Variants in PHIP observed in about 807,000 individuals in gnomAD.
The protein encoded by PHIP is PH-interacting protein.
A neutral mutation model predicts 236.8 loss-of-function variants in PHIP; 54 were observed. The observed-to-expected ratio is 0.23, with a 90% confidence interval of 0.18 to 0.29. The LOEUF (loss-of-function observed/expected upper bound fraction) is 0.29. PHIP is among the 10% of genes least tolerant of loss of function. PHIP has a pLI of 1.00. For synonymous variants in PHIP, 756 were observed against 718.9 expected (o/e 1.05, Z -0.83); for missense variants, 1,370 against 2,190.8 (o/e 0.63, Z 7.48).
At chr6:79,005,521 A>C (rs1770240821) in intron 15 of PHIP, among the ~76,000 whole-genome samples, 1 of 152,040 alleles carries the variant, frequency 6.6e-6, no homozygotes, top group Admixed American at 6.6e-5. Context: ...TTATATCAAA[A>C]ACTAAAAATT....
chr6:78,958,728 A>G, intron 31 of PHIP, 128 bp from the exon 32 acceptor site: 2 of 655,776 alleles, frequency 3.0e-6, no homozygotes, highest in Non-Finnish European at 5.4e-6. Flanking sequence ...TTGGTCTTAT[A>G]AAGTCATTTT....
intron 4 of PHIP, among the ~76,000 whole-genome samples, 190 bp downstream of exon 4, chr6:79,077,258 G>A (rs1229605129): frequency 6.6e-6 from 1 of 151,958 alleles, no homozygotes; most frequent in Non-Finnish European, 1.5e-5. Flanking sequence ...CAGCCCCTGC[G>A]GCCCCGAAGT....
chr6:79,004,289 T>C (rs1193049161), intron 15 of PHIP: 3 of 460,000 alleles, frequency 6.5e-6, no homozygotes, highest in African/African-American at 4.2e-5. Context: ...CTAGATTTTA[T>C]TATTTTTGGT....
At chr6:78,955,479 TTG>T in intron 33 of PHIP, 132 bp downstream of exon 33, 2 of 552,994 alleles carry the variant, frequency 3.6e-6, no homozygotes, top group South Asian at 3.1e-5. Context: ...CTACTGCCAG[TTG>T]TTTTTTTTTT....
At chr6:78,994,551 T>C (rs1027950260) in intron 19 of PHIP, among the ~76,000 whole-genome samples, 1 of 151,520 alleles carries the variant, frequency 6.6e-6, no homozygotes, top group Non-Finnish European at 1.5e-5. Flanking sequence ...CACTCCAGCC[T>C]GGGCAACAAA....
intron 35 of PHIP, among the ~76,000 whole-genome samples, chr6:78,951,651 A>G (rs1435426363): frequency 6.6e-6 from 1 of 152,198 alleles, no homozygotes; most frequent in Non-Finnish European, 1.5e-5. Flanking sequence ...TTTGTTGCCT[A>G]ACACGTTTAG....
chr6:78,960,979 TTGTTG>T (rs1562127067), intron 31 of PHIP, among the ~76,000 whole-genome samples: 18 of 152,224 alleles, frequency 1.2e-4, no homozygotes, highest in Admixed American at 1.0e-3. Context: ...ACAAATTAAA[TTGTTG>T]GACTGCTAAG....
chr6:79,056,504 T>C (rs1289722558), intron 6 of PHIP, among the ~76,000 whole-genome samples: 1 of 152,174 alleles, frequency 6.6e-6, no homozygotes, highest in African/African-American at 2.4e-5. Context: ...TGGTAATATG[T>C]GCACTTCAAA....
At chr6:79,019,690 T>A (rs1771013377) in intron 9 of PHIP, among the ~76,000 whole-genome samples, 1 of 152,080 alleles carries the variant, frequency 6.6e-6, no homozygotes, top group Non-Finnish European at 1.5e-5. Context: ...TTTAACCTAG[T>A]GAAAATCTGA....
intron 21 of PHIP, among the ~76,000 whole-genome samples, chr6:78,987,222 A>G (rs2127721045): frequency 6.6e-6 from 1 of 152,214 alleles, no homozygotes; most frequent in South Asian, 2.1e-4. Flanking sequence ...ATTATATAGA[A>G]ACTTAATATT....
rs76267357 is a variant in PHIP, at chr6:78,997,946, T to A, written c.2017+308A>T. ...TGGTTCATAAATTTGTTTTGACTCT[T>A]AAAGTTTAATAATATACAACAATAA... On this transcript the variant is annotated intron_variant, in intron 18 of 39. Coordinates refer to ENST00000275034, the MANE Select transcript of PHIP (RefSeq NM_017934.7). Among the ~76,000 whole-genome samples the A allele has an allele frequency of 4.6e-5, 7 of 152,300 alleles. No individual in the cohort carries two copies. The East Asian group carries it at 1.4e-3, about 29-fold the overall frequency.
intron 15 of PHIP, among the ~76,000 whole-genome samples, chr6:79,005,096 G>C (rs1770214127): frequency 6.6e-6 from 1 of 151,830 alleles, no homozygotes; most frequent in Non-Finnish European, 1.5e-5. Flanking sequence ...TAATAGAAAA[G>C]AAAGAATAAC....
intron 22 of PHIP, among the ~76,000 whole-genome samples, chr6:78,984,307 A>G (rs1254353567): frequency 6.6e-6 from 1 of 152,234 alleles, no homozygotes; most frequent in Non-Finnish European, 1.5e-5. Context: ...ATTTTCAGCT[A>G]TGCTATTCTA....
chr6:78,967,196 A>T (rs999336140), intron 27 of PHIP, among the ~76,000 whole-genome samples: 5 of 152,228 alleles, frequency 3.3e-5, no homozygotes, highest in African/African-American at 1.2e-4. Context: ...AGAATATGAT[A>T]AAAAAGAAAA....
At chr6:79,011,914 A>C (rs924859529) in intron 15 of PHIP, among the ~76,000 whole-genome samples, 8 of 151,794 alleles carry the variant, frequency 5.3e-5, no homozygotes, top group Non-Finnish European at 7.4e-5. Context: ...TAGAATACTT[A>C]TTACAATGAT....
chr6:79,000,150 G>C (rs749015063), intron 17 of PHIP, among the ~76,000 whole-genome samples: 1 of 151,736 alleles, frequency 6.6e-6, no homozygotes, highest in Non-Finnish European at 1.5e-5. Flanking sequence ...TTTTGCTTTT[G>C]TTCTGTTTTT....
At chr6:78,988,647 A>G (rs1355054589) in intron 20 of PHIP, among the ~76,000 whole-genome samples, 4 of 152,234 alleles carry the variant, frequency 2.6e-5, no homozygotes, top group African/African-American at 9.6e-5. Flanking sequence ...TTATAGTACC[A>G]ACTCAAATAT....
intron 4 of PHIP, among the ~76,000 whole-genome samples, chr6:79,076,003 T>A (rs997888759): frequency 6.6e-6 from 1 of 152,210 alleles, no homozygotes; most frequent in East Asian, 1.9e-4. Flanking sequence ...TCCATTCACT[T>A]TGGCCAAGAA....
chr6:79,053,877 C>T lies in PHIP; in HGVS notation c.439+6601G>A, dbSNP rs77388874. On this transcript the variant is annotated intron_variant, in intron 6 of 39. Coordinates refer to ENST00000275034, the MANE Select transcript of PHIP (RefSeq NM_017934.7). ...TTTATATGAAGTGGAGGGGATATCC[C>T]TCATCACATCTATAACCTAAAAACA... 2.6e-3 allele frequency among the ~76,000 whole-genome samples: 394 copies of T among 152,084 alleles called. 7 individuals are homozygous for T. In the East Asian group the frequency reaches 0.066, roughly 25 times the overall value.
Sources: gnomAD v4.1 joint callset for allele counts (sites outside exome capture counted in the v4.1 genomes callset) on GRCh38, gnomAD v4.1.1 for gene constraint, MANE v1.5 for transcripts, NCBI Gene and HGNC (gene_info 2026-07-23, HGNC 2026-07-21) for gene names.